The following SYNE2 variants were observed in gnomAD, a reference collection of about 807,000 sequenced individuals.
SYNE2 encodes the protein nesprin-2.
In SYNE2, 431 loss-of-function variants were observed where a neutral mutation model predicts 856.3. The ratio of observed to expected loss-of-function variants is 0.50; its 90% CI spans 0.47 to 0.55. SYNE2 has a LOEUF of 0.55. Ranked by LOEUF, SYNE2 falls within the 20% of genes least tolerant of loss-of-function variation. The pLI is 0.00. For missense variants in SYNE2, 8,129 were observed against 8,023.2 expected, an observed-to-expected ratio of 1.01 and a Z score of -0.50; for synonymous variants, 2,923 against 2,872.3, an observed-to-expected ratio of 1.02 and a Z score of -0.56.
At chr14:64,159,164 C>T (rs2098309488) in intron 86 of SYNE2, 148 bp from the exon 87 acceptor site, 1 of 1,100,648 alleles carries the variant, frequency 9.1e-7, no homozygotes, top group Admixed American at 2.0e-5. Flanking sequence ...ATGCCTTCTC[C>T]ATTGTTTTCT....
intron 1 of SYNE2, among the ~76,000 whole-genome samples, chr14:63,814,908 A>C (rs981458910): frequency 1.3e-4 from 15 of 113,482 alleles, no homozygotes; most frequent in African/African-American, 3.2e-4. Context: ...ATATCCATAT[A>C]TATCCATATA....
At chr14:63,833,940 C>T (rs373117850) in intron 1 of SYNE2, among the ~76,000 whole-genome samples, 7 of 152,074 alleles carry the variant, frequency 4.6e-5, no homozygotes, top group African/African-American at 1.7e-4. Context: ...GGTATGATAA[C>T]CACACTTGAG....
rs2097646967 is a variant in SYNE2 at position 64,093,400 on chromosome 14, C to T, written c.12028C>T (p.Gln4010Ter). Reference protein sequence around the residue: ...EWDEEIENLKQILNNYSAQFS... With the variant: ...EWDEEIENLK The stretch of plus-strand genomic sequence containing the variant: ...GGATGAAGAAATAGAAAATTTGAAA[C>T]AGATCTTAAATAATTATTCAGCTCA... Residue 4010 changes from glutamine (Q) to a stop codon, truncating the protein, a stop_gained, in exon 61 of 116, where the codon CAG becomes TAG. Transcript: ENST00000555002. LOFTEE classifies it high-confidence loss of function. 6.2e-7 allele frequency: 1 copy of T among 1,613,950 alleles called. No homozygotes were observed. The highest frequency in any genetic ancestry group is 1.3e-5 in the African/African-American group (1 of 74,924).
intron 70 of SYNE2, among the ~76,000 whole-genome samples, 195 bp from the exon 71 acceptor site, chr14:64,124,883 AT>A (rs1269035913): frequency 1.3e-5 from 2 of 152,144 alleles, no homozygotes; most frequent in African/African-American, 4.8e-5. Flanking sequence ...GGCACCTGTT[AT>A]CCCAGCTACT....
intron 62 of SYNE2, chr14:64,098,401 G>T: frequency 1.7e-6 from 1 of 600,354 alleles, no homozygotes; most frequent in Admixed American, 2.9e-5. Flanking sequence ...CAGGCAGGTG[G>T]ATCAAGCCTC....
intron 47 of SYNE2, among the ~76,000 whole-genome samples, chr14:64,050,809 A>G (rs1237407043): frequency 3.3e-5 from 5 of 152,240 alleles, no homozygotes; most frequent in Non-Finnish European, 7.4e-5. Flanking sequence ...ACTTAAGGTC[A>G]GGAATTCGAG....
intron 1 of SYNE2, among the ~76,000 whole-genome samples, chr14:63,780,240 G>A (rs1315296623): frequency 6.6e-6 from 1 of 151,946 alleles, no homozygotes; most frequent in Non-Finnish European, 1.5e-5. Flanking sequence ...ATACTACTCA[G>A]TAATAAAAAG....
At position 64,129,910 on chromosome 14, in the gene SYNE2, G is replaced by C; in HGVS notation, c.14139+9G>C. 1 of 1,614,084 alleles carries C rather than the reference G, an allele frequency of 6.2e-7. No individual in the cohort carries two copies. The highest frequency in any genetic ancestry group is 1.1e-5 in the South Asian group (1 of 91,062). ...AGGTTTACAAATTAGAGGTATGCCT[G>C]AGCAGAAAACATTGACTCAGCACTG... On this transcript the variant is annotated intron_variant, in intron 75 of 115. Transcript: ENST00000555002.
intron 68 of SYNE2, among the ~76,000 whole-genome samples, 173 bp from the exon 69 acceptor site, chr14:64,121,839 T>C (rs1039209814): frequency 1.3e-5 from 2 of 152,236 alleles, no homozygotes; most frequent in Non-Finnish European, 2.9e-5. Flanking sequence ...GTGAATATTT[T>C]AAATAGGTTT....
In SYNE2 at chr14:63,913,832, T is replaced by A. The variant is rs575700766; in HGVS notation, c.79+4605T>A. On this transcript the variant is annotated intron_variant, in intron 2 of 115. Coordinates refer to ENST00000555002, the MANE Select transcript of SYNE2 (RefSeq NM_182914.3). Reference sequence around the variant, plus strand: ...ATTAAAATGATAATAAATGGCTGTTTAAAATTTTTTAAATTTAATTTAATT... The same window carrying A: ...ATTAAAATGATAATAAATGGCTGTTAAAAATTTTTTAAATTTAATTTAATT... 5.5e-4 allele frequency among the ~76,000 whole-genome samples: 84 copies of A among 152,172 alleles called. 2 individuals are homozygous for A. In the South Asian group the frequency reaches 0.016, roughly 30 times the overall value.
At chr14:63,957,342 C>A (rs969251698) in intron 8 of SYNE2, among the ~76,000 whole-genome samples, 1 of 148,922 alleles carries the variant, frequency 6.7e-6, no homozygotes, top group African/African-American at 2.5e-5. Flanking sequence ...GATCTTGGCT[C>A]ACCGCAGCTT....
intron 45 of SYNE2, among the ~76,000 whole-genome samples, chr14:64,042,195 A>G (rs535029785): frequency 2.0e-5 from 3 of 152,308 alleles, no homozygotes; most frequent in African/African-American, 7.2e-5. Flanking sequence ...CTCCAAACCT[A>G]CTGCTGAGTG....
intron 1 of SYNE2, among the ~76,000 whole-genome samples, chr14:63,801,257 G>A (rs533937859): frequency 1.3e-5 from 2 of 152,102 alleles, no homozygotes; most frequent in South Asian, 2.1e-4. Context: ...CAACAAATAC[G>A]GTGCAGTGTA....
At chr14:64,117,839 G>T (rs2097863450) in intron 66 of SYNE2, among the ~76,000 whole-genome samples, 1 of 152,184 alleles carries the variant, frequency 6.6e-6, no homozygotes, top group African/African-American at 2.4e-5. Context: ...GAGTGCTGGA[G>T]TATGAATATG....
intron 1 of SYNE2, among the ~76,000 whole-genome samples, chr14:63,902,685 C>T (rs993958198): frequency 1.3e-5 from 2 of 151,652 alleles, no homozygotes; most frequent in African/African-American, 2.4e-5. Context: ...CTCTTTCTTT[C>T]CTTTTTGTTT....
intron 1 of SYNE2, among the ~76,000 whole-genome samples, chr14:63,830,787 A>G (rs1164370210): frequency 6.7e-6 from 1 of 150,322 alleles, no homozygotes; most frequent in Admixed American, 6.7e-5. Flanking sequence ...CTATTCTATT[A>G]TTAAATGGGA....
At chr14:64,223,469 G>C in intron 113 of SYNE2, 89 bp downstream of exon 113, 13 of 1,514,166 alleles carry the variant, frequency 8.6e-6, no homozygotes, top group Non-Finnish European at 1.2e-5. Context: ...TAAGACAGAG[G>C]CCAGAAGCAA....
chr14:63,786,688 G>A (rs1462491773), intron 1 of SYNE2, among the ~76,000 whole-genome samples: 2 of 152,182 alleles, frequency 1.3e-5, no homozygotes, highest in Non-Finnish European at 2.9e-5. Context: ...GAGAGAAGTA[G>A]TATATGCTAT....
At position 64,152,669 on chromosome 14, in the gene SYNE2, T is replaced by C. The variant is rs191827212; in HGVS notation, c.15745T>C (p.Ser5249Pro). The change falls in exon 85 of 116, where the codon TCC becomes CCC. Residue 5249 changes from serine (S) to proline (P), a missense_variant. Around this residue, in one of 3 missense-constraint regions of SYNE2, gnomAD observed 5,410 missense variants for 5,284.8 expected, o/e 1.02. Coordinates refer to ENST00000555002, the MANE Select transcript of SYNE2 (RefSeq NM_182914.3). ...GAVPLLEDTA[S>P]RIDELFQKRS... is the part of the protein sequence containing the mutation. The stretch of plus-strand genomic sequence containing the variant: ...AGTGCCATTGTTAGAAGATACAGCA[T>C]CCCGAATTGATGAGTTATTTCAAAA... The C allele has an allele frequency of 6.2e-7, 1 of 1,614,116 alleles. No individual in the cohort carries two copies. The highest frequency in any genetic ancestry group is 1.3e-5 in the African/African-American group (1 of 75,048).
Sources: allele counts gnomAD v4.1 joint callset (sites outside exome capture counted in the v4.1 genomes callset), GRCh38; gene constraint gnomAD v4.1.1; regional missense constraint gnomAD v4.1.1; transcripts MANE v1.5; gene names NCBI Gene and HGNC (gene_info 2026-07-23, HGNC 2026-07-21).